The following NKAIN2 variants were observed in gnomAD, a reference collection of about 807,000 sequenced individuals.
NKAIN2 encodes sodium/potassium-transporting ATPase subunit beta-1-interacting protein 2.
In NKAIN2, 14 loss-of-function variants were observed where a neutral mutation model predicts 32.6. That is an observed-to-expected ratio of 0.43 (90% confidence interval 0.28 to 0.67). The LOEUF is 0.67. Among genes scored for constraint, NKAIN2 ranks in the 30% least tolerant of loss-of-function variants. The pLI, the probability that NKAIN2 is intolerant of heterozygous loss-of-function variation, is 0.17. For synonymous variants in NKAIN2, 80 were observed against 87.2 expected (o/e 0.92, Z 0.46); for missense variants, 198 against 258.3 (o/e 0.77, Z 1.60).
At chr6:124,099,708 G>A (rs1784794383) in intron 1 of NKAIN2, among the ~76,000 whole-genome samples, 1 of 152,186 alleles carries the variant, frequency 6.6e-6, no homozygotes, top group Non-Finnish European at 1.5e-5. Context: ...AATGTATGTA[G>A]CGGTGGGATG....
chr6:124,818,245 T>C (rs1027249891), intron 5 of NKAIN2, 142 bp from the exon 6 acceptor site: 5 of 430,162 alleles, frequency 1.2e-5, no homozygotes, highest in South Asian at 7.0e-5. Flanking sequence ...ATTTCTTCCA[T>C]TTCTTTTTTC....
intron 1 of NKAIN2, among the ~76,000 whole-genome samples, chr6:124,251,365 C>G (rs1379991861): frequency 6.6e-6 from 1 of 151,862 alleles, no homozygotes; most frequent in Non-Finnish European, 1.5e-5. Context: ...AGCATAAACA[C>G]TTTTTTATTC....
chr6:124,161,013 C>T (rs908004871), intron 1 of NKAIN2, among the ~76,000 whole-genome samples: 1 of 152,162 alleles, frequency 6.6e-6, no homozygotes, highest in Non-Finnish European at 1.5e-5. Context: ...TTTTAACTTA[C>T]ACTAAATGTG....
intron 1 of NKAIN2, among the ~76,000 whole-genome samples, chr6:124,157,850 A>C (rs1788068035): frequency 1.3e-5 from 2 of 152,144 alleles, no homozygotes; most frequent in African/African-American, 4.8e-5. Context: ...GGTAGTTACT[A>C]TTGTATGTTA....
intron 1 of NKAIN2, among the ~76,000 whole-genome samples, chr6:124,112,226 A>G (rs1785418374): frequency 6.6e-6 from 1 of 152,068 alleles, no homozygotes; most frequent in South Asian, 2.1e-4. Flanking sequence ...ACCACTTAAC[A>G]TTTCTTGTAA....
intron 1 of NKAIN2, among the ~76,000 whole-genome samples, chr6:123,882,377 TC>T (rs1178010272): frequency 6.6e-6 from 1 of 152,148 alleles, no homozygotes; most frequent in Admixed American, 6.5e-5. Flanking sequence ...TAATGTCCTT[TC>T]AAACCACCCT....
At chr6:124,039,756 T>G (rs1411591024) in intron 1 of NKAIN2, among the ~76,000 whole-genome samples, 1 of 151,960 alleles carries the variant, frequency 6.6e-6, no homozygotes, top group African/African-American at 2.4e-5. Flanking sequence ...TAGGCTTTAT[T>G]TTTACCTAAA....
At chr6:124,747,381 C>T (rs1038404883) in intron 4 of NKAIN2, among the ~76,000 whole-genome samples, 1 of 151,832 alleles carries the variant, frequency 6.6e-6, no homozygotes, top group Non-Finnish European at 1.5e-5. Context: ...GGGGATTCCT[C>T]TAGTAATGAC....
chr6:124,691,297 G>A (rs1325992062), intron 4 of NKAIN2, among the ~76,000 whole-genome samples: 1 of 151,918 alleles, frequency 6.6e-6, no homozygotes, highest in Non-Finnish European at 1.5e-5. Context: ...TACACTCCTG[G>A]ACCACTTCAA....
In NKAIN2 at chr6:124,428,360, G is replaced by A. The variant is rs116044464; in HGVS notation, c.273+73013G>A. ...ACTAGGATTCTTCCATACTATATAC[G>A]ACACTTTGTTAACAATATCTCTGGG... On this transcript the variant is annotated intron_variant, in intron 3 of 6. Transcript: ENST00000368417. Among the ~76,000 whole-genome samples the A allele has an allele frequency of 7.3e-3, 1,114 of 152,064 alleles. 9 individuals carry two copies. Among genetic ancestry groups the A allele is most frequent in the African/African-American group, 0.026 (1,074 of 41,476 alleles).
intron 3 of NKAIN2, among the ~76,000 whole-genome samples, chr6:124,568,843 A>G (rs2114912527): frequency 6.6e-6 from 1 of 150,722 alleles, no homozygotes; most frequent in East Asian, 1.9e-4. Flanking sequence ...AAAAAAAAAA[A>G]AAAGGAACTG....
chr6:123,940,751 G>A (rs1393694929), intron 1 of NKAIN2, among the ~76,000 whole-genome samples: 1 of 152,020 alleles, frequency 6.6e-6, no homozygotes, highest in African/African-American at 2.4e-5. Flanking sequence ...GAGTGAGTGA[G>A]TGAGTCACGG....
intron 1 of NKAIN2, among the ~76,000 whole-genome samples, chr6:123,883,355 C>T (rs1225494894): frequency 6.6e-6 from 1 of 152,032 alleles, no homozygotes; most frequent in African/African-American, 2.4e-5. Flanking sequence ...CCGTGTTAGC[C>T]AGGATGGTCT....
At chr6:123,997,934 G>T (rs1285531073) in intron 1 of NKAIN2, among the ~76,000 whole-genome samples, 1 of 152,030 alleles carries the variant, frequency 6.6e-6, no homozygotes, top group Non-Finnish European at 1.5e-5. Flanking sequence ...AAGAATGTTT[G>T]CTTTTTGGTG....
At chr6:124,443,533 T>G (rs1775775967) in intron 3 of NKAIN2, among the ~76,000 whole-genome samples, 1 of 152,080 alleles carries the variant, frequency 6.6e-6, no homozygotes, top group Admixed American at 6.6e-5. Context: ...TTCAGTAGTT[T>G]ACTGTCATTG....
intron 1 of NKAIN2, among the ~76,000 whole-genome samples, chr6:124,197,638 A>G (rs574090902): frequency 6.6e-6 from 1 of 152,248 alleles, no homozygotes; most frequent in South Asian, 2.1e-4. Flanking sequence ...ACCCTTTTAC[A>G]TGAACTATTT....
chr6:123,991,721 G>A (rs1040524897), intron 1 of NKAIN2, among the ~76,000 whole-genome samples: 1 of 151,978 alleles, frequency 6.6e-6, no homozygotes, highest in Non-Finnish European at 1.5e-5. Context: ...AATTAGCCAG[G>A]CATGGTGGTG....
intron 1 of NKAIN2, among the ~76,000 whole-genome samples, chr6:123,840,297 T>C (rs1774814893): frequency 6.6e-6 from 1 of 152,096 alleles, no homozygotes; most frequent in South Asian, 2.1e-4. Context: ...ATAAAAGTCA[T>C]ATTCAGAAGA....
chr6:123,955,828 A>G (rs531375677), intron 1 of NKAIN2, among the ~76,000 whole-genome samples: 4 of 152,058 alleles, frequency 2.6e-5, no homozygotes, highest in East Asian at 3.9e-4. Flanking sequence ...GGGTCTTCCT[A>G]TGTTTTCCAG....
Sources: gnomAD v4.1 joint callset for allele counts (sites outside exome capture counted in the v4.1 genomes callset) on GRCh38, gnomAD v4.1.1 for gene constraint, MANE v1.5 for transcripts, NCBI Gene and HGNC (gene_info 2026-07-23, HGNC 2026-07-21) for gene names.